The following CTNNA3 variants were observed in gnomAD, a reference collection of about 807,000 sequenced individuals.
The protein encoded by CTNNA3 is catenin alpha-3.
CTNNA3 carries 76 observed loss-of-function variants against 95.7 expected under a neutral mutation model. That is an observed-to-expected ratio of 0.79 (90% CI 0.66 to 0.96). The LOEUF (loss-of-function observed/expected upper bound fraction) is 0.96, where lower values mean the gene tolerates loss of function less well. Among genes scored for constraint, CTNNA3 ranks in the 40% least tolerant of loss-of-function variants. The probability of loss-of-function intolerance (pLI) is 0.00; values close to 1 mark genes in which losing one functional copy is unlikely to be tolerated. For synonymous variants in CTNNA3, 431 were observed against 374.4 expected, an observed-to-expected ratio of 1.15 and a Z score of -1.74; for missense variants, 1,191 against 1,089.8, an observed-to-expected ratio of 1.09 and a Z score of -1.31.
chr10:66,159,626 G>GTTTTTTT (rs34684370), intron 13 of CTNNA3, among the ~76,000 whole-genome samples: 2 of 114,928 alleles, frequency 1.7e-5, no homozygotes, highest in African/African-American at 3.3e-5. Context: ...TTTGTTTTCT[G>GTTTTTTT]TTTTTTTTTT....
chr10:67,080,137 A>T (rs1589709648), intron 7 of CTNNA3, among the ~76,000 whole-genome samples: 1 of 152,122 alleles, frequency 6.6e-6, no homozygotes, highest in East Asian at 1.9e-4. Flanking sequence ...AAGTGCTTGT[A>T]TTTCGTTAAA....
At chr10:67,691,026 C>T (rs563087284) in intron 1 of CTNNA3, among the ~76,000 whole-genome samples, 31 of 152,326 alleles carry the variant, frequency 2.0e-4, no homozygotes, top group Middle Eastern at 3.4e-3. Flanking sequence ...CGAGTGCCTG[C>T]GATTGCAGGC....
chr10:65,926,171 A>C, intron 17 of CTNNA3, among the ~76,000 whole-genome samples: 1 of 151,464 alleles, frequency 6.6e-6, no homozygotes, highest in East Asian at 1.9e-4. Context: ...TATAAGATCA[A>C]TTATTTCTCA....
chr10:67,062,164 A>T (rs909136280), intron 7 of CTNNA3, among the ~76,000 whole-genome samples: 2 of 148,934 alleles, frequency 1.3e-5, no homozygotes, highest in Non-Finnish European at 3.0e-5. Flanking sequence ...TGATATTTGT[A>T]TCCCCATTTT....
At chr10:66,300,511 G>C (rs1351440981) in intron 12 of CTNNA3, among the ~76,000 whole-genome samples, 1 of 151,820 alleles carries the variant, frequency 6.6e-6, no homozygotes, top group African/African-American at 2.4e-5. Context: ...TCTTAAACAA[G>C]TGATTGAAGT....
intron 7 of CTNNA3, among the ~76,000 whole-genome samples, chr10:66,969,270 T>A (rs971007963): frequency 1.3e-5 from 2 of 152,138 alleles, no homozygotes; most frequent in Non-Finnish European, 2.9e-5. Context: ...TGATACTGTA[T>A]ATCAATTTTA....
At chr10:66,804,147 T>A (rs1328787927) in intron 7 of CTNNA3, among the ~76,000 whole-genome samples, 1 of 152,052 alleles carries the variant, frequency 6.6e-6, no homozygotes, top group African/African-American at 2.4e-5. Flanking sequence ...CACCTATCTG[T>A]CTGTGGTTCA....
chr10:66,580,197 A>G (rs190447293), intron 10 of CTNNA3, among the ~76,000 whole-genome samples: 8 of 151,356 alleles, frequency 5.3e-5, no homozygotes, highest in African/African-American at 1.9e-4. Flanking sequence ...TAACATTTCT[A>G]TTTCATTCTT....
chr10:67,410,061 G>A (rs750762511), intron 5 of CTNNA3, among the ~76,000 whole-genome samples: 6 of 152,080 alleles, frequency 3.9e-5, no homozygotes, highest in Non-Finnish European at 7.4e-5. Context: ...GCACACATAT[G>A]TTTACTGCAG....
chr10:66,045,583 C>T (rs543319074), intron 15 of CTNNA3, among the ~76,000 whole-genome samples: 1 of 152,304 alleles, frequency 6.6e-6, no homozygotes, highest in East Asian at 1.9e-4. Flanking sequence ...GGTGCTCTAA[C>T]TCCTGCTTAA....
intron 11 of CTNNA3, among the ~76,000 whole-genome samples, chr10:66,474,202 C>T (rs149075684): frequency 2.6e-5 from 4 of 152,060 alleles, no homozygotes; most frequent in African/African-American, 9.6e-5. Flanking sequence ...CATTGACGAA[C>T]GTCTCTTTAT....
chr10:66,293,543 G>A (rs72799167), intron 12 of CTNNA3, among the ~76,000 whole-genome samples: 7,246 of 152,046 alleles, frequency 0.048, 263 homozygotes, highest in Middle Eastern at 0.095. Context: ...AATTCCAGTA[G>A]TATTCTAACA....
chr10:66,234,318 A>T (rs2089745788), intron 13 of CTNNA3, among the ~76,000 whole-genome samples: 1 of 152,164 alleles, frequency 6.6e-6, no homozygotes, highest in African/African-American at 2.4e-5. Flanking sequence ...CTTCAACAAG[A>T]ATCTGTCTCC....
chr10:67,367,824 T>C (rs79704177), intron 5 of CTNNA3, among the ~76,000 whole-genome samples: 5,289 of 152,282 alleles, frequency 0.035, 281 homozygotes, highest in East Asian at 0.24. Flanking sequence ...CTGTATGTTC[T>C]TGCTTATAAG....
intron 17 of CTNNA3, among the ~76,000 whole-genome samples, chr10:65,923,693 T>TA (rs1286320589): frequency 6.6e-6 from 1 of 152,186 alleles, no homozygotes; most frequent in African/African-American, 2.4e-5. Flanking sequence ...GGGCCACTGA[T>TA]ATAATTGGCA....
chr10:66,037,651 A>C (rs2079594682), intron 15 of CTNNA3, among the ~76,000 whole-genome samples: 2 of 129,802 alleles, frequency 1.5e-5, no homozygotes, highest in South Asian at 3.2e-4. Flanking sequence ...ATACATTCTC[A>C]TAGCAAAGTG....
chr10:66,506,547 G>T (rs1840456670), intron 11 of CTNNA3, among the ~76,000 whole-genome samples: 1 of 152,116 alleles, frequency 6.6e-6, no homozygotes, highest in Admixed American at 6.5e-5. Context: ...TATCCTGACA[G>T]TACAGCAGCA....
chr10:67,374,696 G>A (rs187400129), intron 5 of CTNNA3, among the ~76,000 whole-genome samples: 8 of 152,268 alleles, frequency 5.3e-5, no homozygotes, highest in Admixed American at 5.2e-4. Context: ...CTAGTGAGGT[G>A]ACTTTTGAAC....
At chr10:66,372,279 G>A (rs532612279) in intron 12 of CTNNA3, among the ~76,000 whole-genome samples, 3 of 152,100 alleles carry the variant, frequency 2.0e-5, no homozygotes, top group East Asian at 3.8e-4. Flanking sequence ...AAGATCCATA[G>A]AGTAAATCTG....
Sources: gnomAD v4.1 joint callset for allele counts (sites outside exome capture counted in the v4.1 genomes callset) on GRCh38, gnomAD v4.1.1 for gene constraint, MANE v1.5 for transcripts, NCBI Gene and HGNC (gene_info 2026-07-23, HGNC 2026-07-21) for gene names.